The following ANKRD33B variants were observed in gnomAD, a reference collection of about 807,000 sequenced individuals.
ANKRD33B encodes the protein ankyrin repeat domain 33B, also known as ankyrin repeat domain-containing protein 33B.
ANKRD33B carries 6 observed loss-of-function variants against 21.5 expected under a neutral mutation model. That is an observed-to-expected ratio of 0.28 (90% confidence interval 0.15 to 0.55). The LOEUF (loss-of-function observed/expected upper bound fraction) is 0.55. Among genes scored for constraint, ANKRD33B ranks in the 20% least tolerant of loss-of-function variants. The pLI, the probability that ANKRD33B is intolerant of heterozygous loss-of-function variation, is 0.94. For missense variants in ANKRD33B, 698 were observed against 747.2 expected, an observed-to-expected ratio of 0.93 and a Z score of 0.77; for synonymous variants, 347 against 342.4, an observed-to-expected ratio of 1.01 and a Z score of -0.15.
At chr5:10,648,994 C>T (rs551727842) in intron 3 of ANKRD33B, among the ~76,000 whole-genome samples, 2 of 150,912 alleles carry the variant, frequency 1.3e-5, no homozygotes, top group Admixed American at 1.3e-4. Context: ...GGTGGTGTAG[C>T]CCCAGCTACT....
Position 10,619,049 on chromosome 5 carries a change from A to T in ANKRD33B, c.496+587A>T, listed in dbSNP as rs1281656525. Among the ~76,000 whole-genome samples, 4 of 152,180 alleles carry T rather than the reference A, an allele frequency of 2.6e-5. No individual in the cohort carries two copies. Among genetic ancestry groups the T allele is most frequent in the Non-Finnish European group, 2.9e-5 (2 of 68,044 alleles). On this transcript the variant is annotated intron_variant, in intron 2 of 3. Transcript: ENST00000296657. The surrounding 1 kb of genome is among the most constrained non-coding windows in gnomAD (Gnocchi z 4.5). Reference sequence around the variant, plus strand: ...TGCTTATGTCAATATTGCCAAGTGCATTGCGACTCTCCTGCTTTGGAACTG... The same window carrying T: ...TGCTTATGTCAATATTGCCAAGTGCTTTGCGACTCTCCTGCTTTGGAACTG...
chr5:10,603,109 C>T (rs936452707), intron 1 of ANKRD33B, among the ~76,000 whole-genome samples: 12 of 152,058 alleles, frequency 7.9e-5, no homozygotes, highest in Non-Finnish European at 8.8e-5. Context: ...CCACCGTGCC[C>T]GGCCTGATGG....
In ANKRD33B at chr5:10,649,803, G is replaced by A. The variant is rs1737292220; in HGVS notation, c.1175G>A (p.Gly392Glu). The A allele has an allele frequency of 2.2e-6, 3 of 1,393,944 alleles. No homozygotes were observed. Among genetic ancestry groups the A allele is most frequent in the South Asian group, 3.1e-5 (2 of 64,538 alleles). The allele number at this position is 1,393,944 out of a possible 1,614,324, so 86.3% of individuals were successfully genotyped here. The change falls in exon 4 of 4, where the codon GGG (glycine) becomes GAG (glutamate). Residue 392 changes from glycine (G) to glutamate (E), a missense_variant. Around this residue, in one of 3 missense-constraint regions of ANKRD33B, gnomAD observed 543 missense variants for 566.5 expected, o/e 0.96. Coordinates refer to ENST00000296657, the MANE Select transcript of ANKRD33B (RefSeq NM_001164440.2). ...AGAGCCGGCCTCCCTCCCGCCCTGG[G>A]GTCCCGGGGCCCCGCAGCGCCCGCC... Reference protein sequence around the residue: ...SPRAGLPPALGSRGPAAPAPR... With the variant: ...SPRAGLPPALESRGPAAPAPR...
rs76182934 is a variant in ANKRD33B at position 10,640,769 on chromosome 5, C to G, written c.637+2601C>G. Among the ~76,000 whole-genome samples, 794 of 152,324 alleles carry G rather than the reference C, an allele frequency of 5.2e-3. 8 individuals carry two copies. Among genetic ancestry groups the G allele is most frequent in the African/African-American group, 0.018 (752 of 41,564 alleles). On this transcript the variant is annotated intron_variant, in intron 3 of 3. Transcript: ENST00000296657. ...TCTGCTGCTATAACAAAATACCTCA[C>G]CTGTGTAATTTGTAACTGTAGAAAT...
rs1300385714 is a variant in ANKRD33B, at chr5:10,649,764, G to A, written c.1136G>A (p.Arg379Gln). The change falls in exon 4 of 4, where the codon CGG becomes CAG. Residue 379 changes from arginine to glutamine, a missense_variant. Arg to Gln is a conservative substitution (Grantham distance 43). This residue lies in a region of ANKRD33B where 543 missense variants were observed against 566.5 expected (regional missense o/e 0.96). Transcript: ENST00000296657. Reference sequence around the variant, plus strand: ...ACCGGACAGGAGGACGCGGACTCCCGGGAGGGCTCCCCGAGAGCCGGCCTC... The same window carrying A: ...ACCGGACAGGAGGACGCGGACTCCCAGGAGGGCTCCCCGAGAGCCGGCCTC... ...GRTGQEDADSREGSPRAGLPP... is the reference protein window; with the variant it reads ...GRTGQEDADSQEGSPRAGLPP... The A allele has an allele frequency of 1.4e-6, 2 of 1,415,482 alleles. No individual in the cohort carries two copies. The highest frequency in any genetic ancestry group is 2.9e-5 in the East Asian group (1 of 34,714). The allele number at this position is 1,415,482 out of a possible 1,614,324, so 87.7% of individuals were successfully genotyped here. A position where few individuals can be genotyped will look rare whatever the true frequency, so the allele number is the denominator to read the frequency against.
At chr5:10,599,294 A>G (rs1024893118) in intron 1 of ANKRD33B, among the ~76,000 whole-genome samples, 5 of 152,182 alleles carry the variant, frequency 3.3e-5, no homozygotes, top group South Asian at 2.1e-4. Flanking sequence ...CCATTAAAGT[A>G]TACAACTTGA....
intron 3 of ANKRD33B, among the ~76,000 whole-genome samples, chr5:10,647,101 C>A (rs1243538785): frequency 6.6e-6 from 1 of 151,706 alleles, no homozygotes; most frequent in African/African-American, 2.4e-5. Context: ...GACTTGAAAT[C>A]CTCAATGATT....
rs1343107111 is a variant in ANKRD33B, at chr5:10,654,425, TAGAGGA to T, written c.*4314_*4319del. On this transcript the variant is annotated 3_prime_UTR_variant, in exon 4 of 4. Transcript: ENST00000296657. ...TCAGGGATTTATATATAAATATAGT[TAGAGGA>T]AAAGTTGAAGTCTATTTTACTACTT... is the stretch of plus-strand genomic sequence containing the variant. The T allele has an allele frequency of 3.3e-5, 5 of 152,336 alleles. No individual in the cohort carries two copies. The highest frequency in any genetic ancestry group is 1.2e-4 in the African/African-American group (5 of 41,464). The allele number at this position is 152,336 out of a possible 1,614,324, so 9.4% of individuals were successfully genotyped here. A position where few individuals can be genotyped will look rare whatever the true frequency, so the allele number is the denominator to read the frequency against.
chr5:10,580,699 G>A (rs908087204), intron 1 of ANKRD33B, among the ~76,000 whole-genome samples: 1 of 151,906 alleles, frequency 6.6e-6, no homozygotes, highest in African/African-American at 2.4e-5. Flanking sequence ...GTGGGGTGTC[G>A]GGGGTGAGGC....
intron 2 of ANKRD33B, among the ~76,000 whole-genome samples, chr5:10,628,423 C>G (rs567496236): frequency 6.6e-6 from 1 of 152,270 alleles, no homozygotes; most frequent in African/African-American, 2.4e-5. Flanking sequence ...CTCAGGTCAT[C>G]CACCCACTTC....
chr5:10,602,935 C>G (rs955569806), intron 1 of ANKRD33B, among the ~76,000 whole-genome samples: 2 of 151,884 alleles, frequency 1.3e-5, no homozygotes, highest in Non-Finnish European at 2.9e-5. Flanking sequence ...GCCTCAGCCT[C>G]TAGAGTAGCT....
At chr5:10,610,022 C>T (rs1736130396) in intron 1 of ANKRD33B, among the ~76,000 whole-genome samples, 1 of 152,182 alleles carries the variant, frequency 6.6e-6, no homozygotes, top group Non-Finnish European at 1.5e-5. Flanking sequence ...AGAGGAAATC[C>T]AGACAGCCAA....
chr5:10,609,855 G>C (rs1736127024), intron 1 of ANKRD33B, among the ~76,000 whole-genome samples: 1 of 152,186 alleles, frequency 6.6e-6, no homozygotes, highest in Admixed American at 6.5e-5. Flanking sequence ...GCTGCCGTGA[G>C]CTGAGATTGT....
intron 1 of ANKRD33B, among the ~76,000 whole-genome samples, chr5:10,611,140 C>A (rs761844177): frequency 1.1e-4 from 17 of 152,032 alleles, no homozygotes; most frequent in Non-Finnish European, 2.1e-4. Flanking sequence ...ACAGCTGCAC[C>A]AAATAGTGAT....
rs1043209885 is a variant in ANKRD33B, at chr5:10,655,281, A to G, written c.*5168A>G. 3 of 152,458 alleles carry G rather than the reference A, an allele frequency of 2.0e-5. No individual in the cohort carries two copies. The highest frequency in any genetic ancestry group is 7.2e-5 in the African/African-American group (3 of 41,566). 9.4% of individuals were successfully genotyped at this position (152,458 alleles called of 1,614,324 possible). On this transcript the variant is annotated 3_prime_UTR_variant, in exon 4 of 4. Transcript: ENST00000296657. ...GGGCCAGACCCTAGGCCTGAAAAGG[A>G]TGCAAAGCCTGCTGTTTTCAGGCTG...
chr5:10,640,846 GGTTCGATGTCT>G (rs1389288331), intron 3 of ANKRD33B, among the ~76,000 whole-genome samples: 5 of 152,222 alleles, frequency 3.3e-5, no homozygotes, highest in African/African-American at 1.2e-4. Context: ...GGTGCCGGCA[GGTTCGATGTCT>G]GCTGATGCCC....
At chr5:10,624,416 C>T (rs1385690134) in intron 2 of ANKRD33B, among the ~76,000 whole-genome samples, 1 of 152,026 alleles carries the variant, frequency 6.6e-6, no homozygotes, top group Non-Finnish European at 1.5e-5. Flanking sequence ...AGGCGTGAGC[C>T]GCCGGGCCTG....
At chr5:10,577,077 T>C (rs1735338544) in intron 1 of ANKRD33B, among the ~76,000 whole-genome samples, 1 of 151,648 alleles carries the variant, frequency 6.6e-6, no homozygotes, top group Non-Finnish European at 1.5e-5. Flanking sequence ...TCCCTTCCCT[T>C]TCCCCTTTCC....
At chr5:10,615,599 A>C (rs1736267438) in intron 1 of ANKRD33B, among the ~76,000 whole-genome samples, 1 of 152,248 alleles carries the variant, frequency 6.6e-6, no homozygotes, top group African/African-American at 2.4e-5. Flanking sequence ...GTCCTGTTTT[A>C]GTTTGAAGAA....
Sources: allele counts gnomAD v4.1 joint callset (sites outside exome capture counted in the v4.1 genomes callset), GRCh38; gene constraint gnomAD v4.1.1; regional missense constraint gnomAD v4.1.1; non-coding constraint Gnocchi (gnomAD v3.1); transcripts MANE v1.5; gene names NCBI Gene and HGNC (gene_info 2026-07-23, HGNC 2026-07-21).